The following CD300LG variants were observed in gnomAD, a reference collection of about 807,000 sequenced individuals.
The protein encoded by CD300LG is CD300 molecule like family member g, also known as CMRF35-like molecule 9.
Under a neutral mutation model 31.5 loss-of-function variants are expected in CD300LG, and 29 were observed. The observed-to-expected ratio is 0.92, with a 90% CI of 0.68 to 1.25. CD300LG has a LOEUF of 1.25. CD300LG is among the 50% of genes most tolerant of loss of function. CD300LG has a pLI of 0.00. For synonymous variants in CD300LG, 175 were observed against 177.2 expected (o/e 0.99, Z 0.10); for missense variants, 396 against 417.6 (o/e 0.95, Z 0.45).
chr17:43,863,426 A>G lies in CD300LG; in HGVS notation c.*1515A>G, dbSNP rs1222943108. ...AAAATGTCACCCATAGTCTCACCAG[A>G]GACTATCATTATTTCGTTTTGTTGT... On this transcript the variant is annotated 3_prime_UTR_variant, in exon 7 of 7. Coordinates refer to ENST00000317310, the MANE Select transcript of CD300LG (RefSeq NM_145273.4). 1 of 152,228 alleles carries G rather than the reference A, an allele frequency of 6.6e-6. No homozygotes were observed. The highest frequency in any genetic ancestry group is 1.9e-4 in the East Asian group (1 of 5,194). 9.4% of individuals were successfully genotyped at this position (152,228 alleles called of 1,614,324 possible).
intron 6 of CD300LG, chr17:43,857,829 G>A (rs1567855348): frequency 1.4e-5 from 21 of 1,537,142 alleles, no homozygotes; most frequent in Non-Finnish European, 1.6e-5. Context: ...TTGGCTCTGA[G>A]ACCAAGGTGG....
At chr17:43,859,329 A>G (rs2046606340) in intron 6 of CD300LG, among the ~76,000 whole-genome samples, 2 of 152,204 alleles carry the variant, frequency 1.3e-5, no homozygotes, top group South Asian at 4.1e-4. Flanking sequence ...TATTAGGTTT[A>G]TTACTAGTAC....
At chr17:43,849,125 G>A (rs1185606031) in intron 2 of CD300LG, 16 of 597,224 alleles carry the variant, frequency 2.7e-5, no homozygotes, top group East Asian at 2.5e-4. Flanking sequence ...GAGCAGGACC[G>A]GACCCAGATC....
rs2046244342 is a variant in CD300LG at position 43,848,310 on chromosome 17, A to G, written c.44-248A>G. Among the ~76,000 whole-genome samples, 4 of 152,324 alleles carry G rather than the reference A, an allele frequency of 2.6e-5. No homozygotes were observed. The South Asian group carries it at 8.3e-4, about 32-fold the overall frequency. The stretch of plus-strand genomic sequence containing the variant: ...AAACCCTGCTGGCTATCTGGCTGTC[A>G]GATTCTATCTGAATCTAGAACGCCA... On this transcript the variant is annotated intron_variant, in intron 1 of 6. Transcript: ENST00000317310.
At chr17:43,851,515 A>G (rs2046354350) in intron 2 of CD300LG, among the ~76,000 whole-genome samples, 1 of 152,116 alleles carries the variant, frequency 6.6e-6, no homozygotes, top group Admixed American at 6.5e-5. Context: ...AGAGTCCAGG[A>G]TGGCACACAG....
chr17:43,848,506 C>G, intron 1 of CD300LG, 52 bp from the exon 2 acceptor site: 1 of 1,456,370 alleles, frequency 6.9e-7, no homozygotes, highest in Non-Finnish European at 9.5e-7. Context: ...TGGCCTTGAC[C>G]TTGGTACATG....
intron 6 of CD300LG, among the ~76,000 whole-genome samples, chr17:43,859,356 G>GAT (rs1477900303): frequency 2.0e-5 from 3 of 152,188 alleles, no homozygotes; most frequent in Non-Finnish European, 4.4e-5. Context: ...GCAGAGCTCT[G>GAT]ATATATATCT....
Position 43,848,778 on chromosome 17 carries a change from C to T in CD300LG, c.264C>T (p.Leu88=). ...CCATCCGTGACAGCCGCCAGGAGCT[C>T]TCGCTCATTGTGACCCTGTGGAACC... is the stretch of plus-strand genomic sequence containing the variant. ...RVSIRDSRQE[L]SLIVTLWNLT... The change falls in exon 2 of 7, where the codon CTC becomes CTT. Residue 88 remains leucine (L), a synonymous_variant. Transcript: ENST00000317310. 2 of 1,614,178 alleles carry T rather than the reference C, an allele frequency of 1.2e-6. No homozygotes were observed. Among genetic ancestry groups the T allele is most frequent in the African/African-American group, 1.3e-5 (1 of 75,052 alleles).
rs572442413 is a variant in CD300LG at position 43,847,231 on chromosome 17, C to A, written c.15C>A (p.Val5=). The change falls in exon 1 of 7, where the codon GTC becomes GTA. Residue 5 remains valine, a synonymous_variant. Transcript: ENST00000317310. The part of the protein sequence containing the change: MRLL[V]LLWGCLLLPG... ...CAGCGCCCAGAATGCGGCTTCTGGT[C>A]CTGCTATGGGGTTGCCTGCTGCTCC... 82 of 1,613,934 alleles carry A rather than the reference C, an allele frequency of 5.1e-5. No homozygotes were observed. In the African/African-American group the frequency reaches 8.5e-4, roughly 17 times the overall value.
intron 5 of CD300LG, among the ~76,000 whole-genome samples, chr17:43,856,073 C>G (rs1051309945): frequency 2.6e-5 from 4 of 152,172 alleles, no homozygotes; most frequent in Non-Finnish European, 4.4e-5. Context: ...TCCCGAGTAA[C>G]TAGGACTACA....
At chr17:43,851,778 A>C (rs1453016203) in intron 2 of CD300LG, among the ~76,000 whole-genome samples, 1 of 150,054 alleles carries the variant, frequency 6.7e-6, no homozygotes, top group East Asian at 2.0e-4. Context: ...GATGGTCTCG[A>C]TCTCCTGACC....
Position 43,847,226 on chromosome 17 carries a change from C to T in CD300LG, c.10C>T (p.Leu4=). Residue 4 remains leucine, a synonymous_variant, in exon 1 of 7, where the codon CTG becomes TTG. Transcript: ENST00000317310. MRL[L]VLLWGCLLLP... The stretch of plus-strand genomic sequence containing the variant: ...GTGTCCAGCGCCCAGAATGCGGCTT[C>T]TGGTCCTGCTATGGGGTTGCCTGCT... 6.2e-7 allele frequency: 1 copy of T among 1,614,000 alleles called. No homozygotes were observed. The highest frequency in any genetic ancestry group is 8.5e-7 in the Non-Finnish European group (1 of 1,179,942).
At position 43,848,608 on chromosome 17, in the gene CD300LG, A is replaced by C; in HGVS notation, c.94A>C (p.Thr32Pro). Residue 32 changes from threonine (T) to proline (P), a missense_variant, in exon 2 of 7, where the codon ACT becomes CCT. By Grantham distance (38) the Thr-to-Pro change is conservative. Coordinates refer to ENST00000317310, the MANE Select transcript of CD300LG (RefSeq NM_145273.4). The stretch of plus-strand genomic sequence containing the variant: ...GGAAATCAGCGGGTTCGAAGGGGAC[A>C]CTGTGTCCCTGCAGTGCACCTACAG... ...PEEISGFEGD[T>P]VSLQCTYREE... is the part of the protein sequence containing the mutation. 6.2e-7 allele frequency: 1 copy of C among 1,614,034 alleles called. No individual in the cohort carries two copies. Among genetic ancestry groups the C allele is most frequent in the Non-Finnish European group, 8.5e-7 (1 of 1,179,936 alleles).
At chr17:43,858,009 C>G (rs555558095) in intron 6 of CD300LG, 1 of 1,466,574 alleles carries the variant, frequency 6.8e-7, no homozygotes, top group African/African-American at 1.4e-5. Flanking sequence ...GCTGCAGCAT[C>G]GCACTTCAGG....
intron 6 of CD300LG, chr17:43,861,137 C>CT: frequency 1.0e-6 from 1 of 985,416 alleles, no homozygotes; most frequent in Non-Finnish European, 1.2e-6. Context: ...GTTACAGCCA[C>CT]TGGGGAATGG....
intron 2 of CD300LG, among the ~76,000 whole-genome samples, chr17:43,850,088 C>T (rs752453607): frequency 2.6e-5 from 4 of 152,176 alleles, no homozygotes; most frequent in Non-Finnish European, 5.9e-5. Context: ...GCTATATTAT[C>T]GTCCTATATC....
rs79650851 is a variant in CD300LG at position 43,863,502 on chromosome 17, C to G, written c.*1591C>G. 1 of 152,236 alleles carries G rather than the reference C, an allele frequency of 6.6e-6. No individual in the cohort carries two copies. Among genetic ancestry groups the G allele is most frequent in the Non-Finnish European group, 1.5e-5 (1 of 68,042 alleles). The allele number at this position is 152,236 out of a possible 1,614,324, so 9.4% of individuals were successfully genotyped here. A position where few individuals can be genotyped will look rare whatever the true frequency, so the allele number is the denominator to read the frequency against. On this transcript the variant is annotated 3_prime_UTR_variant, in exon 7 of 7. Transcript: ENST00000317310. ...ACATAATTTGCCGGTGTTCTTTTTA[C>G]AGAGCAATTATCTTGTATATACAAC...
In CD300LG at chr17:43,853,842, A is replaced by C; in HGVS notation, c.517A>C (p.Lys173Gln). The change falls in exon 4 of 7, where the codon AAG becomes CAG. Residue 173 changes from lysine (K) to glutamine (Q), a missense_variant. By Grantham distance (53) the Lys-to-Gln change is moderately conservative. Transcript: ENST00000317310. Reference protein sequence around the residue: ...PGLYPAATTAKQGKTGAEAPP... With the variant: ...PGLYPAATTAQQGKTGAEAPP... ...GCTCTACCCGGCAGCCACCACAGCC[A>C]AGCAGGGGAAGACAGGGGCTGAGGC... The C allele has an allele frequency of 6.2e-7, 1 of 1,614,088 alleles. No homozygotes were observed. Among genetic ancestry groups the C allele is most frequent in the Non-Finnish European group, 8.5e-7 (1 of 1,179,978 alleles).
intron 6 of CD300LG, chr17:43,861,036 C>A (rs1357768298): frequency 2.3e-5 from 22 of 941,152 alleles, no homozygotes; most frequent in Non-Finnish European, 2.7e-5. Flanking sequence ...GCCTTGCCCA[C>A]CCCTCCCACG....
Sources: allele counts gnomAD v4.1 joint callset (sites outside exome capture counted in the v4.1 genomes callset), GRCh38; gene constraint gnomAD v4.1.1; transcripts MANE v1.5; gene names NCBI Gene and HGNC (gene_info 2026-07-23, HGNC 2026-07-21).